NACC2: variants seen among roughly 807,000 people sequenced by gnomAD.
NACC2 encodes nucleus accumbens-associated protein 2.
In NACC2, 8 loss-of-function variants were observed where a neutral mutation model predicts 25.1. The ratio of observed to expected loss-of-function variants is 0.32; its 90% CI spans 0.19 to 0.57. The LOEUF is 0.57. NACC2 is among the 20% of genes least tolerant of loss of function. The probability of loss-of-function intolerance (pLI) is 0.89; values close to 1 mark genes in which losing one functional copy is unlikely to be tolerated. For synonymous variants in NACC2, 435 were observed against 294.7 expected (o/e 1.48, Z -4.88); for missense variants, 644 against 650.2 (o/e 0.99, Z 0.10).
At chr9:136,078,536 T>C (rs185206604) in intron 1 of NACC2, among the ~76,000 whole-genome samples, 3 of 152,288 alleles carry the variant, frequency 2.0e-5, no homozygotes, top group Non-Finnish European at 4.4e-5. Context: ...AGGTGGGACG[T>C]GGCCCGCTCA....
At chr9:136,069,990 A>G (rs1841130949) in intron 1 of NACC2, among the ~76,000 whole-genome samples, 2 of 151,954 alleles carry the variant, frequency 1.3e-5, no homozygotes, top group Admixed American at 1.3e-4. Context: ...CAACAACAGC[A>G]GAACATATGT....
chr9:136,090,572 C>T (rs549687349), intron 1 of NACC2, among the ~76,000 whole-genome samples: 17 of 152,308 alleles, frequency 1.1e-4, no homozygotes, highest in African/African-American at 3.8e-4. Context: ...CAGCTCCCAA[C>T]GCCCTCCATG....
intron 1 of NACC2, among the ~76,000 whole-genome samples, chr9:136,081,219 A>C (rs1212646203): frequency 9.2e-5 from 14 of 152,270 alleles, no homozygotes; most frequent in Non-Finnish European, 1.5e-5. Flanking sequence ...AGGGGAAGGA[A>C]CCAGGTGGAC....
intron 1 of NACC2, among the ~76,000 whole-genome samples, chr9:136,067,025 C>T (rs140886814): frequency 1.1e-4 from 16 of 151,116 alleles, no homozygotes; most frequent in African/African-American, 2.9e-4. Context: ...TCAAGGCAGG[C>T]GGATCACCTG....
In NACC2 at chr9:136,083,457, C is replaced by A. The variant is rs531713847; in HGVS notation, c.-60+11732G>T. Among the ~76,000 whole-genome samples the A allele has an allele frequency of 2.6e-5, 4 of 152,328 alleles. No individual in the cohort carries two copies. In the South Asian group the frequency reaches 8.3e-4, roughly 32 times the overall value. On this transcript the variant is annotated intron_variant, in intron 1 of 5. Coordinates refer to ENST00000277554, the MANE Select transcript of NACC2 (RefSeq NM_144653.5). ...AGCATCTCTCCAAAATCCACATGCA[C>A]CCCAAACTCGAATGTGACTGTATTT...
At chr9:136,071,670 G>A (rs1395951830) in intron 1 of NACC2, among the ~76,000 whole-genome samples, 1 of 151,988 alleles carries the variant, frequency 6.6e-6, no homozygotes, top group Non-Finnish European at 1.5e-5. Context: ...AGAATTAAGT[G>A]GGAGAAATCA....
At chr9:136,040,728 G>A (rs1251325358) in intron 2 of NACC2, among the ~76,000 whole-genome samples, 1 of 152,212 alleles carries the variant, frequency 6.6e-6, no homozygotes, top group Admixed American at 6.5e-5. Flanking sequence ...GGGAAGCCAA[G>A]GCAGGTAGAT....
At chr9:136,089,536 G>A (rs1467697449) in intron 1 of NACC2, among the ~76,000 whole-genome samples, 3 of 151,668 alleles carry the variant, frequency 2.0e-5, no homozygotes, top group African/African-American at 7.3e-5. Context: ...CAGCGCTGGG[G>A]GCCTCTCCCC....
At position 136,077,040 on chromosome 9, in the gene NACC2, T is replaced by C. The variant is rs370695059; in HGVS notation, c.-60+18149A>G. ...TAAATAAATAAATAAAATAGCCGGGTGTGGTGGCGGGCGCCTGTAGTCCCA... is the reference window on the plus strand; with the variant it reads ...TAAATAAATAAATAAAATAGCCGGGCGTGGTGGCGGGCGCCTGTAGTCCCA... On this transcript the variant is annotated intron_variant, in intron 1 of 5. Transcript: ENST00000277554. 4.2e-3 allele frequency among the ~76,000 whole-genome samples: 609 copies of C among 144,138 alleles called. 2 individuals are homozygous for C. Among genetic ancestry groups the C allele is most frequent in the African/African-American group, 0.013 (492 of 37,732 alleles). 94.6% of individuals were successfully genotyped at this position (144,138 alleles called of 152,430 possible).
chr9:136,079,567 G>C (rs540907351), intron 1 of NACC2, among the ~76,000 whole-genome samples: 1 of 152,286 alleles, frequency 6.6e-6, no homozygotes, highest in South Asian at 2.1e-4. Context: ...GAAGGAACAG[G>C]CTGACTCACT....
In NACC2 at chr9:136,069,907, T is replaced by C. The variant is rs1197749317; in HGVS notation, c.-59-19327A>G. Among the ~76,000 whole-genome samples, 3 of 151,922 alleles carry C rather than the reference T, an allele frequency of 2.0e-5. 1 individual carries two copies. The highest frequency in any genetic ancestry group is 2.1e-4 in the South Asian group (1 of 4,824). On this transcript the variant is annotated intron_variant, in intron 1 of 5. Coordinates refer to ENST00000277554, the MANE Select transcript of NACC2 (RefSeq NM_144653.5). ...TTCTCTAAACAAGGATAGAACTAGA[T>C]AGAAAATCAGCAGAGATAGAGTGAG...
chr9:136,082,726 G>A (rs1340402524), intron 1 of NACC2, among the ~76,000 whole-genome samples: 8 of 152,310 alleles, frequency 5.3e-5, no homozygotes, highest in African/African-American at 7.2e-5. Flanking sequence ...TCAATCCAGC[G>A]TGTGCACCAT....
At chr9:136,089,205 C>G (rs1185557564) in intron 1 of NACC2, among the ~76,000 whole-genome samples, 1 of 152,102 alleles carries the variant, frequency 6.6e-6, no homozygotes, top group African/African-American at 2.4e-5. Context: ...AGAGCCTCCC[C>G]CTGCCAGGGG....
chr9:136,039,336 T>C (rs1174456901), intron 2 of NACC2, among the ~76,000 whole-genome samples: 2 of 152,160 alleles, frequency 1.3e-5, no homozygotes, highest in Non-Finnish European at 1.5e-5. Context: ...TTACAGTAAA[T>C]TGGTAATTAA....
intron 1 of NACC2, among the ~76,000 whole-genome samples, chr9:136,059,065 G>C (rs535162239): frequency 5.0e-4 from 76 of 152,336 alleles, no homozygotes; most frequent in African/African-American, 1.8e-3. Context: ...GGGGAGAAGC[G>C]TGATCTGGAA....
At chr9:136,050,751 C>T (rs1054110322) in intron 1 of NACC2, among the ~76,000 whole-genome samples, 171 bp from the exon 2 acceptor site, 9 of 152,108 alleles carry the variant, frequency 5.9e-5, no homozygotes, top group African/African-American at 1.9e-4. Flanking sequence ...GACACGGGGT[C>T]TCCCAGACCC....
intron 1 of NACC2, among the ~76,000 whole-genome samples, chr9:136,075,159 G>C (rs1028156959): frequency 1.3e-5 from 2 of 152,250 alleles, no homozygotes; most frequent in African/African-American, 2.4e-5. Context: ...GGAGCCCCAG[G>C]TGTGGGTGCA....
In NACC2 at chr9:136,009,754, C is replaced by T. The variant is rs7862443; in HGVS notation, c.*1762G>A. 0.12 allele frequency: 17,917 copies of T among 152,368 alleles called. 1,330 individuals are homozygous for T. Among genetic ancestry groups the T allele is most frequent in the African/African-American group, 0.19 (7,895 of 41,510 alleles). The allele number at this position is 152,368 out of a possible 1,614,324, so 9.4% of individuals were successfully genotyped here. A position where few individuals can be genotyped will look rare whatever the true frequency, so the allele number is the denominator to read the frequency against. ...GGTGCAGCACATGGTCCTCCCCTAG[C>T]GGAGGCGGCCTCCGCTTGATGGGTT... is the stretch of plus-strand genomic sequence containing the variant. On this transcript the variant is annotated 3_prime_UTR_variant, in exon 6 of 6. Transcript: ENST00000277554.
intron 1 of NACC2, among the ~76,000 whole-genome samples, chr9:136,059,513 G>A (rs1465310717): frequency 2.0e-5 from 3 of 152,228 alleles, no homozygotes; most frequent in African/African-American, 7.2e-5. Flanking sequence ...CCGCCTCCTT[G>A]GGTGTGTGGT....
Sources: allele counts gnomAD v4.1 joint callset (sites outside exome capture counted in the v4.1 genomes callset), GRCh38; gene constraint gnomAD v4.1.1; transcripts MANE v1.5; gene names NCBI Gene and HGNC (gene_info 2026-07-23, HGNC 2026-07-21).